The following UNC5A variants were observed in gnomAD, a reference collection of about 807,000 sequenced individuals.
The protein encoded by UNC5A is netrin receptor UNC5A.
In UNC5A, 20 loss-of-function variants were observed where a neutral mutation model predicts 87.4. The ratio of observed to expected loss-of-function variants is 0.23; its 90% CI spans 0.16 to 0.33. UNC5A has a LOEUF of 0.33. Ranked by LOEUF, UNC5A falls within the 10% of genes least tolerant of loss-of-function variation. The pLI is 1.00. For synonymous variants in UNC5A, 438 were observed against 482.3 expected, an observed-to-expected ratio of 0.91 and a Z score of 1.20; for missense variants, 844 against 1,133.4, an observed-to-expected ratio of 0.74 and a Z score of 3.67.
intron 6 of UNC5A, among the ~76,000 whole-genome samples, chr5:176,871,819 C>A (rs71591850): frequency 7.4e-5 from 5 of 67,434 alleles, no homozygotes; most frequent in East Asian, 5.8e-4. Context: ...CCACAGCTTC[C>A]CATCTGCCCA....
chr5:176,845,115 G>T (rs2113627300), intron 1 of UNC5A, among the ~76,000 whole-genome samples: 1 of 152,294 alleles, frequency 6.6e-6, no homozygotes, highest in Non-Finnish European at 1.5e-5. Context: ...TCCCCGCCAG[G>T]AGAGTCACCC....
intron 6 of UNC5A, 72 bp downstream of exon 6, chr5:176,870,606 G>A: frequency 1.4e-6 from 2 of 1,475,206 alleles, no homozygotes; most frequent in Non-Finnish European, 1.8e-6. Flanking sequence ...GGGAGGTGGG[G>A]GCTGAGGGAG....
At chr5:176,850,610 C>T (rs759629755) in intron 1 of UNC5A, among the ~76,000 whole-genome samples, 11 of 152,092 alleles carry the variant, frequency 7.2e-5, no homozygotes, top group East Asian at 3.9e-4. Context: ...GCCACAGAAG[C>T]GGGGCCTCAG....
At chr5:176,826,710 G>A (rs373704370) in intron 1 of UNC5A, among the ~76,000 whole-genome samples, 16 of 143,654 alleles carry the variant, frequency 1.1e-4, no homozygotes, top group African/African-American at 3.9e-4. Flanking sequence ...GCACGATCTC[G>A]GCTCTCTGCA....
chr5:176,846,915 C>CGATGG (rs1421954414), intron 1 of UNC5A, among the ~76,000 whole-genome samples: 1 of 152,160 alleles, frequency 6.6e-6, no homozygotes, highest in Non-Finnish European at 1.5e-5. Flanking sequence ...GAGGCTGGAG[C>CGATGG]GCATCTCAGC....
chr5:176,857,357 C>T (rs771369692), intron 1 of UNC5A, among the ~76,000 whole-genome samples: 5 of 152,202 alleles, frequency 3.3e-5, no homozygotes, highest in Non-Finnish European at 7.3e-5. Context: ...AAGAAGGTGG[C>T]ATCCGTCCCA....
chr5:176,870,869 C>T (rs1460960857), intron 6 of UNC5A, among the ~76,000 whole-genome samples: 2 of 147,616 alleles, frequency 1.4e-5, no homozygotes, highest in Non-Finnish European at 3.0e-5. Context: ...ACCACAGCTT[C>T]CCATCTGCCC....
intron 1 of UNC5A, among the ~76,000 whole-genome samples, chr5:176,815,540 G>C (rs562025823): frequency 6.6e-6 from 1 of 152,194 alleles, no homozygotes; most frequent in African/African-American, 2.4e-5. Flanking sequence ...TTGCTTTCTG[G>C]GGTTATAGTA....
At chr5:176,825,378 C>T (rs1439301434) in intron 1 of UNC5A, among the ~76,000 whole-genome samples, 1 of 151,924 alleles carries the variant, frequency 6.6e-6, no homozygotes, top group Non-Finnish European at 1.5e-5. Context: ...AAGGCTTTGG[C>T]GAAGGACCCG....
intron 1 of UNC5A, among the ~76,000 whole-genome samples, chr5:176,858,210 GCT>G (rs1757713904): frequency 6.6e-6 from 1 of 152,236 alleles, no homozygotes; most frequent in Non-Finnish European, 1.5e-5. Flanking sequence ...TGTGACAACA[GCT>G]CCAGCACCAG....
intron 3 of UNC5A, 76 bp downstream of exon 3, chr5:176,868,349 T>G (rs891853957): frequency 5.2e-5 from 83 of 1,591,424 alleles, no homozygotes; most frequent in Non-Finnish European, 6.9e-5. Flanking sequence ...GTAGGCTTCC[T>G]GGAAGAGGCG....
chr5:176,827,389 G>A (rs577956885), intron 1 of UNC5A, among the ~76,000 whole-genome samples: 1 of 151,922 alleles, frequency 6.6e-6, no homozygotes, highest in South Asian at 2.1e-4. Context: ...CACCATGTTG[G>A]CCAGGCTGAT....
chr5:176,833,733 G>A (rs1279942922), intron 1 of UNC5A, among the ~76,000 whole-genome samples: 4 of 144,856 alleles, frequency 2.8e-5, no homozygotes, highest in Non-Finnish European at 4.5e-5. Flanking sequence ...TTTTTGAGAC[G>A]GAGTCTTGCT....
intron 1 of UNC5A, among the ~76,000 whole-genome samples, chr5:176,833,061 G>A (rs181062731): frequency 2.8e-4 from 43 of 152,354 alleles, no homozygotes; most frequent in Non-Finnish European, 5.3e-4. Flanking sequence ...CCAGGATGCA[G>A]GTAGCTGGCC....
intron 1 of UNC5A, among the ~76,000 whole-genome samples, chr5:176,827,776 G>C (rs1424980599): frequency 6.6e-6 from 1 of 152,192 alleles, no homozygotes; most frequent in Non-Finnish European, 1.5e-5. Flanking sequence ...GCAATAACGA[G>C]GGTTCCAGTT....
At position 176,879,847 on chromosome 5, in the gene UNC5A, A is replaced by G. The variant is rs755616437; in HGVS notation, c.2490A>G (p.Pro830=). 7 of 1,612,488 alleles carry G rather than the reference A, an allele frequency of 4.3e-6. No homozygotes were observed. The South Asian group carries it at 7.7e-5, about 18-fold the overall frequency. The change falls in exon 15 of 15, where the codon CCA becomes CCG. Residue 830 remains proline, a synonymous_variant. Coordinates refer to ENST00000329542, the MANE Select transcript of UNC5A (RefSeq NM_133369.3). ...LAAAVAGLGQ[P]DAGLFTVSEA... is the part of the protein sequence containing the mutation. ...CAGCAGTGGCTGGACTGGGCCAGCC[A>G]GACGCTGGCCTCTTCACAGTGTCGG... is the stretch of plus-strand genomic sequence containing the variant.
chr5:176,832,785 G>A (rs1260443294), intron 1 of UNC5A, among the ~76,000 whole-genome samples: 2 of 152,246 alleles, frequency 1.3e-5, no homozygotes, highest in African/African-American at 4.8e-5. Flanking sequence ...GCAGTGGCAA[G>A]CTGAAGCTGG....
At chr5:176,845,888 G>T (rs889854266) in intron 1 of UNC5A, among the ~76,000 whole-genome samples, 9 of 152,240 alleles carry the variant, frequency 5.9e-5, no homozygotes, top group East Asian at 1.9e-4. Flanking sequence ...GGGAACAGTA[G>T]ATGCAAAGCC....
chr5:176,837,022 G>A (rs1757162436), intron 1 of UNC5A, among the ~76,000 whole-genome samples: 1 of 152,332 alleles, frequency 6.6e-6, no homozygotes, highest in African/African-American at 2.4e-5. Flanking sequence ...GTATGTGTGA[G>A]TCTGCATTTA....
Sources: allele counts gnomAD v4.1 joint callset (sites outside exome capture counted in the v4.1 genomes callset), GRCh38; gene constraint gnomAD v4.1.1; transcripts MANE v1.5; gene names NCBI Gene and HGNC (gene_info 2026-07-23, HGNC 2026-07-21).